Variants in DPH6 observed in about 807,000 individuals in gnomAD.
The protein encoded by DPH6 is diphthine--ammonia ligase.
In DPH6, 33 loss-of-function variants were observed where a neutral mutation model predicts 38.2. That is an observed-to-expected ratio of 0.86 (90% CI 0.65 to 1.15). The LOEUF (loss-of-function observed/expected upper bound fraction) is 1.15. Ranked by LOEUF, DPH6 falls within the 50% of genes most tolerant of loss-of-function variation. The pLI is 0.00. For missense variants in DPH6, 325 were observed against 320.0 expected (o/e 1.02, Z -0.12); for synonymous variants, 108 against 103.0 (o/e 1.05, Z -0.30).
chr15:35,382,328 C>T (rs990631703), intron 6 of DPH6, among the ~76,000 whole-genome samples: 10 of 151,522 alleles, frequency 6.6e-5, no homozygotes, highest in South Asian at 6.3e-4. Flanking sequence ...CCCAGCTACT[C>T]GGGAGGCCGA....
At chr15:35,524,794 GGGTTTTCCA>G (rs1191913956) in intron 3 of DPH6, among the ~76,000 whole-genome samples, 8 of 152,108 alleles carry the variant, frequency 5.3e-5, no homozygotes, top group Non-Finnish European at 1.2e-4. Context: ...ACATGGCTCT[GGGTTTTCCA>G]GCAATCAATA....
At chr15:35,299,512 G>A (rs2052040048) in intron 3 of DPH6, 5 of 670,766 alleles carry the variant, frequency 7.5e-6, no homozygotes, top group East Asian at 2.8e-5. Flanking sequence ...GCGCGGAGCC[G>A]GGGAGGCAGG....
chr15:35,524,744 A>G (rs935206554), intron 3 of DPH6, among the ~76,000 whole-genome samples: 1 of 152,190 alleles, frequency 6.6e-6, no homozygotes, highest in Non-Finnish European at 1.5e-5. Flanking sequence ...ATAAATTGCA[A>G]TTATAATTAC....
At chr15:35,145,603 G>A in the DPH6 span, among the ~76,000 whole-genome samples, 1 of 152,172 alleles carries the variant, frequency 6.6e-6, no homozygotes, top group Admixed American at 6.5e-5. Context: ...TGTCTATGAG[G>A]GGTAGATCCC....
chr15:35,352,731 CA>C (rs1200264964), intron 3 of DPH6, among the ~76,000 whole-genome samples: 1 of 152,158 alleles, frequency 6.6e-6, no homozygotes, highest in Non-Finnish European at 1.5e-5. Flanking sequence ...AATAGTGCCA[CA>C]ATAAACATAC....
At chr15:35,272,866 C>T (rs373755544) in intron 3 of DPH6, among the ~76,000 whole-genome samples, 10 of 151,854 alleles carry the variant, frequency 6.6e-5, no homozygotes, top group African/African-American at 2.2e-4. Context: ...GAGATCGCAC[C>T]ACTGCACTCC....
chr15:35,534,424 C>T (rs772374988), intron 3 of DPH6, among the ~76,000 whole-genome samples: 1 of 141,954 alleles, frequency 7.0e-6, no homozygotes, highest in Non-Finnish European at 1.5e-5. Context: ...TTTCAGGAAA[C>T]GAAAGACAAT....
intron 3 of DPH6, among the ~76,000 whole-genome samples, chr15:35,499,899 C>T (rs1566932471): frequency 6.6e-6 from 1 of 152,146 alleles, no homozygotes; most frequent in Non-Finnish European, 1.5e-5. Context: ...AATGAGGTTC[C>T]TGGCAGTACC....
At position 35,418,325 on chromosome 15, in the gene DPH6, T is replaced by C. The variant is rs143856926; in HGVS notation, c.506-7429A>G. On this transcript the variant is annotated intron_variant, in intron 5 of 8. Transcript: ENST00000256538. ...AGATTATAATCCATAGGATCCATGA[T>C]GATGTTAAAGTACATTTTAACTCTA... is the stretch of plus-strand genomic sequence containing the variant. 1.9e-3 allele frequency among the ~76,000 whole-genome samples: 290 copies of C among 152,260 alleles called. 3 individuals are homozygous for C. The highest frequency in any genetic ancestry group is 6.7e-3 in the African/African-American group (277 of 41,582).
At chr15:35,470,445 T>C (rs151067623) in intron 3 of DPH6, among the ~76,000 whole-genome samples, 1,669 of 152,178 alleles carry the variant, frequency 0.011, 94 homozygotes, top group Admixed American at 0.097. Context: ...TTTTAATAAA[T>C]TGCTGTTGAC....
intron 3 of DPH6, among the ~76,000 whole-genome samples, chr15:35,526,340 G>A (rs541088222): frequency 6.6e-6 from 1 of 152,248 alleles, no homozygotes; most frequent in Admixed American, 6.5e-5. Flanking sequence ...ATGTCTGATA[G>A]TTTCTGCCTT....
chr15:35,524,775 A>C (rs560050219), intron 3 of DPH6, among the ~76,000 whole-genome samples: 1 of 152,338 alleles, frequency 6.6e-6, no homozygotes, highest in African/African-American at 2.4e-5. Flanking sequence ...AGAAAACTGA[A>C]AGAAAATCAC....
chr15:35,461,625 T>C (rs2054067825), intron 3 of DPH6, among the ~76,000 whole-genome samples: 3 of 152,044 alleles, frequency 2.0e-5, no homozygotes. Context: ...AGTCTTCTTT[T>C]GGAAGTATAC....
At chr15:35,191,700 T>C in the DPH6 span, among the ~76,000 whole-genome samples, 310 of 152,302 alleles carry the variant, frequency 2.0e-3, no homozygotes, top group Middle Eastern at 0.037. Context: ...ATCCTAAAAC[T>C]TGAAACTTAT....
At chr15:35,522,417 T>A (rs2054935817) in intron 3 of DPH6, 1 of 764,194 alleles carries the variant, frequency 1.3e-6, no homozygotes. Flanking sequence ...GGACTGCAAG[T>A]GAATGAAAAT....
chr15:35,366,228 T>TGTGTGTG (rs2052657653), downstream of DPH6, among the ~76,000 whole-genome samples: 2 of 144,262 alleles, frequency 1.4e-5, no homozygotes, highest in African/African-American at 2.6e-5. Context: ...TTTAGTCATC[T>TGTGTGTG]TGTGTGTGTG....
At chr15:35,520,241 CAAAA>C (rs2054904687) in intron 3 of DPH6, 7 of 481,208 alleles carry the variant, frequency 1.5e-5, no homozygotes, top group East Asian at 3.7e-4. Flanking sequence ...AAAAAAAAAA[CAAAA>C]GAAGAAGAAT....
intron 5 of DPH6, among the ~76,000 whole-genome samples, chr15:35,414,062 T>C (rs1285225705): frequency 6.6e-6 from 1 of 151,602 alleles, no homozygotes; most frequent in Non-Finnish European, 1.5e-5. Context: ...ACTATTATTA[T>C]TGTGTTGAAT....
At chr15:35,506,300 T>C (rs1418667641) in intron 3 of DPH6, among the ~76,000 whole-genome samples, 1 of 152,168 alleles carries the variant, frequency 6.6e-6, no homozygotes, top group East Asian at 1.9e-4. Context: ...ATTTACATGC[T>C]TTCCTGCATT....
Sources: gnomAD v4.1 joint callset for allele counts (sites outside exome capture counted in the v4.1 genomes callset) on GRCh38, gnomAD v4.1.1 for gene constraint, MANE v1.5 for transcripts, NCBI Gene and HGNC (gene_info 2026-07-23, HGNC 2026-07-21) for gene names.